TRIM46: variants seen among roughly 807,000 people sequenced by gnomAD.
The protein encoded by TRIM46 is tripartite motif-containing protein 46.
In TRIM46, 17 loss-of-function variants were observed where a neutral mutation model predicts 69.7. That is an observed-to-expected ratio of 0.24 (90% CI 0.17 to 0.37). The LOEUF (loss-of-function observed/expected upper bound fraction) is 0.37. TRIM46 is among the 10% of genes least tolerant of loss of function. The pLI is 1.00. For synonymous variants in TRIM46, 391 were observed against 429.0 expected (o/e 0.91, Z 1.09); for missense variants, 675 against 1,025.1 (o/e 0.66, Z 4.66).
chr1:155,182,097 G>A lies in TRIM46; in HGVS notation c.1834G>A (p.Glu612Lys). 5 of 1,614,228 alleles carry A rather than the reference G, an allele frequency of 3.1e-6. No individual in the cohort carries two copies. The highest frequency in any genetic ancestry group is 4.2e-6 in the Non-Finnish European group (5 of 1,180,040). Reference protein sequence around the residue: ...SYLVKVGVGLESKLQESFQGA... With the variant: ...SYLVKVGVGLKSKLQESFQGA... ...CTTGGTCAAGGTGGGCGTCGGGCTG[G>A]AGAGCAAGCTTCAAGAAAGTTTCCA... The change falls in exon 9 of 10, where the codon GAG (glutamate) becomes AAG (lysine). Residue 612 changes from glutamate to lysine, a missense_variant. This residue lies in a region of TRIM46 where 35 missense variants were observed against 99.3 expected (regional missense o/e 0.35). Coordinates refer to ENST00000334634, the MANE Select transcript of TRIM46 (RefSeq NM_025058.5).
chr1:155,183,666 C>A (rs1666345465), intron 9 of TRIM46, 131 bp from the exon 10 acceptor site: 3 of 1,263,226 alleles, frequency 2.4e-6, no homozygotes, highest in Non-Finnish European at 3.3e-6. Flanking sequence ...TCAGCGTTTT[C>A]TTCTCAACAC....
At chr1:155,183,701 T>G (rs1666347089) in intron 9 of TRIM46, 96 bp from the exon 10 acceptor site, 1 of 1,508,834 alleles carries the variant, frequency 6.6e-7, no homozygotes, top group Non-Finnish European at 9.0e-7. Context: ...TTCAACCTCT[T>G]GCTCCTTAAC....
intron 1 of TRIM46, chr1:155,174,905 AG>A (rs1336319609): frequency 5.3e-5 from 74 of 1,408,648 alleles, no homozygotes; most frequent in Non-Finnish European, 6.4e-5. Flanking sequence ...GAGCTGCGGC[AG>A]GAGGACGTAT....
rs1353252984 is a variant in TRIM46 at position 155,181,765 on chromosome 1, G to A, written c.1589-87G>A. 52 of 1,462,378 alleles carry A rather than the reference G, an allele frequency of 3.6e-5. No individual in the cohort carries two copies. The highest frequency in any genetic ancestry group is 3.0e-4 in the South Asian group (23 of 77,294). The allele number at this position is 1,462,378 out of a possible 1,614,324, so 90.6% of individuals were successfully genotyped here. ...TGGTGACTGAACCCCCTTGCAACGC[G>A]TTCCCTGTTCTGCAGTCTCACAGCC... On this transcript the variant is annotated intron_variant, in intron 8 of 9. Coordinates refer to ENST00000334634, the MANE Select transcript of TRIM46 (RefSeq NM_025058.5). This position sits in a 1 kb window ranked among gnomAD's most constrained non-coding sequence, Gnocchi z 4.3.
At chr1:155,174,887 G>A (rs189635407) in intron 1 of TRIM46, 3 of 1,407,602 alleles carry the variant, frequency 2.1e-6, no homozygotes, top group Admixed American at 3.2e-5. Context: ...TGGAGTGGCC[G>A]CAGGCCGGAG....
chr1:155,174,511 C>G, intron 1 of TRIM46: 1 of 1,439,020 alleles, frequency 6.9e-7, no homozygotes, highest in Non-Finnish European at 9.1e-7. Flanking sequence ...GTCATGGCAA[C>G]CCGTGCCTGG....
At chr1:155,180,612 A>C in intron 8 of TRIM46, 1 of 177,236 alleles carries the variant, frequency 5.6e-6, no homozygotes, top group Non-Finnish European at 1.1e-5. Flanking sequence ...AAATAAATAA[A>C]TAAATAAATA....
Position 155,181,788 on chromosome 1 carries a change from G to GC in TRIM46, c.1589-59dup. 1 of 1,543,334 alleles carries GC rather than the reference G, an allele frequency of 6.5e-7. No individual in the cohort carries two copies. Among genetic ancestry groups the GC allele is most frequent in the Non-Finnish European group, 8.8e-7 (1 of 1,137,346 alleles). ...GCGTTCCCTGTTCTGCAGTCTCACA[G>GC]CCCCCAGTGCCAGTGTTTGTCCCTG... On this transcript the variant is annotated intron_variant, in intron 8 of 9. Transcript: ENST00000334634. The surrounding 1 kb of genome is among the most constrained non-coding windows in gnomAD (Gnocchi z 4.3).
At position 155,176,224 on chromosome 1, in the gene TRIM46, G is replaced by C; in HGVS notation, c.662G>C (p.Arg221Pro). ...CCCACCCTGCCTACCCTCTCCTTCC[G>C]ACCCAAGGTGAGCCAGCCCTTCCAA... ...HEPTLPTLSF[R>P]PKGLMCPDHK... The change falls in exon 3 of 10, where the codon CGA (arginine) becomes CCA (proline). Residue 221 changes from arginine to proline, a missense_variant. By Grantham distance (103) the Arg-to-Pro change is moderately radical. Transcript: ENST00000334634. 4 of 1,597,106 alleles carry C rather than the reference G, an allele frequency of 2.5e-6. No individual in the cohort carries two copies. Among genetic ancestry groups the C allele is most frequent in the Non-Finnish European group, 3.4e-6 (4 of 1,173,606 alleles).
rs762120221 is a variant in TRIM46 at position 155,175,862 on chromosome 1, C to T, written c.326-26C>T. The T allele has an allele frequency of 2.4e-5, 38 of 1,583,444 alleles. No homozygotes were observed. Among genetic ancestry groups the T allele is most frequent in the Admixed American group, 1.8e-4 (10 of 54,102 alleles). On this transcript the variant is annotated intron_variant, in intron 2 of 9. Coordinates refer to ENST00000334634, the MANE Select transcript of TRIM46 (RefSeq NM_025058.5). This position sits in a 1 kb window ranked among gnomAD's most constrained non-coding sequence, Gnocchi z 4.2. ...ACCCAGCCAGCTGTAACTCTCATGT[C>T]CTCTACCTCCCTGGTTCACCCACAG... is the stretch of plus-strand genomic sequence containing the variant.
intron 9 of TRIM46, 186 bp downstream of exon 9, chr1:155,182,335 C>T: frequency 1.6e-6 from 1 of 635,050 alleles, no homozygotes; most frequent in South Asian, 2.0e-5. Context: ...AGCAAAAGGG[C>T]TTTTGAGGAC....
chr1:155,178,315 G>A, intron 6 of TRIM46, 60 bp downstream of exon 6: 1 of 1,561,188 alleles, frequency 6.4e-7, no homozygotes, highest in Non-Finnish European at 8.7e-7. Context: ...CCAACATCTA[G>A]GACAATGTCT....
chr1:155,174,529 A>C, intron 1 of TRIM46: 1 of 1,450,398 alleles, frequency 6.9e-7, no homozygotes, highest in East Asian at 2.6e-5. Context: ...TGGCTCTCCC[A>C]GGGGCGGTGC....
chr1:155,174,568 C>T, intron 1 of TRIM46: 1 of 1,509,738 alleles, frequency 6.6e-7, no homozygotes, highest in Non-Finnish European at 8.8e-7. Context: ...CCACTTCCTC[C>T]CCCCCTCCTT....
rs778318855 is a variant in TRIM46 at position 155,179,714 on chromosome 1, A to G, written c.1368A>G (p.Ser456=). ...TGTGCTGGCGGCTGCCCCCCCATTCACCACCTGCCTGGCACTATACCGTTG... is the reference window on the plus strand; with the variant it reads ...TGTGCTGGCGGCTGCCCCCCCATTCGCCACCTGCCTGGCACTATACCGTTG... The part of the protein sequence containing the change: ...IFLCWRLPPH[S]PPAWHYTVEF... The change falls in exon 8 of 10, where the codon TCA becomes TCG. Residue 456 remains serine (S), a synonymous_variant. Coordinates refer to ENST00000334634, the MANE Select transcript of TRIM46 (RefSeq NM_025058.5). The G allele has an allele frequency of 4.7e-5, 76 of 1,612,938 alleles. No individual in the cohort carries two copies. The Middle Eastern group carries it at 4.9e-4, about 10-fold the overall frequency.
chr1:155,174,726 A>G, intron 1 of TRIM46: 2 of 1,440,860 alleles, frequency 1.4e-6, no homozygotes, highest in Non-Finnish European at 1.8e-6. Flanking sequence ...GGAGGGGGCG[A>G]GTAGGCGGGG....
rs1666014196 is a variant in TRIM46, at chr1:155,179,934, G to GGTGA, written c.1588+4_1588+7dup. 6.4e-7 allele frequency: 1 copy of GGTGA among 1,569,160 alleles called. No individual in the cohort carries two copies. The highest frequency in any genetic ancestry group is 1.3e-5 in the African/African-American group (1 of 74,358). ...GCACCTGCACACGCCCCCGGCACCT[G>GGTGA]GTGAGTGGGCAGGCACAGGTGGTCG... On this transcript the variant is annotated frameshift_variant and splice_region_variant. Coordinates refer to ENST00000334634, the MANE Select transcript of TRIM46 (RefSeq NM_025058.5). LOFTEE classifies it high-confidence loss of function.
chr1:155,177,389 A>C, intron 5 of TRIM46, 99 bp downstream of exon 5: 1 of 1,078,540 alleles, frequency 9.3e-7, no homozygotes, highest in Non-Finnish European at 1.4e-6. Flanking sequence ...TTGCTAGCTC[A>C]GGAAGCCCGT....
chr1:155,184,076 G>T lies in TRIM46; in HGVS notation c.2166G>T (p.Gly722=). ...TGGAGTGCCCCCTGGACTGCTCAGG[G>T]CCTGTGTGCCCTGCCTTTTGCTTCA... ...GLLECPLDCS[G]PVCPAFCFIG... The change falls in exon 10 of 10, where the codon GGG becomes GGT. Residue 722 remains glycine, a synonymous_variant. Coordinates refer to ENST00000334634, the MANE Select transcript of TRIM46 (RefSeq NM_025058.5). The surrounding 1 kb of genome is among the most constrained non-coding windows in gnomAD (Gnocchi z 5.6). 6.2e-7 allele frequency: 1 copy of T among 1,614,118 alleles called. No homozygotes were observed. Among genetic ancestry groups the T allele is most frequent in the South Asian group, 1.1e-5 (1 of 91,090 alleles).
Sources: gnomAD v4.1 joint callset for allele counts on GRCh38, gnomAD v4.1.1 for gene constraint, gnomAD v4.1.1 regional missense constraint, Gnocchi (gnomAD v3.1) non-coding constraint, MANE v1.5 for transcripts, NCBI Gene and HGNC (gene_info 2026-07-23, HGNC 2026-07-21) for gene names.